The following GLT1D1 variants were observed in gnomAD, a reference collection of about 807,000 sequenced individuals.
GLT1D1 encodes glycosyltransferase 1 domain containing 1.
In GLT1D1, 21 loss-of-function variants were observed where a neutral mutation model predicts 28.7. The observed-to-expected ratio is 0.73, with a 90% confidence interval of 0.52 to 1.05. GLT1D1 has a LOEUF of 1.05. Ranked by LOEUF, GLT1D1 falls within the 50% of genes least tolerant of loss-of-function variation. The probability of loss-of-function intolerance (pLI) is 0.00; values close to 1 mark genes in which losing one functional copy is unlikely to be tolerated. For missense variants in GLT1D1, 343 were observed against 330.6 expected (o/e 1.04, Z -0.29); for synonymous variants, 147 against 124.8 (o/e 1.18, Z -1.19).
intron 4 of GLT1D1, among the ~76,000 whole-genome samples, chr12:128,900,151 GA>G (rs926743795): frequency 1.3e-5 from 2 of 152,136 alleles, no homozygotes; most frequent in Non-Finnish European, 2.9e-5. Flanking sequence ...CAAAACTAAA[GA>G]AAAAAACCAA....
intron 7 of GLT1D1, among the ~76,000 whole-genome samples, chr12:128,968,994 T>C (rs747172618): frequency 2.6e-5 from 4 of 152,088 alleles, no homozygotes; most frequent in Non-Finnish European, 5.9e-5. Flanking sequence ...CCTCTGCCTC[T>C]GTCTCGTCAT....
intron 4 of GLT1D1, chr12:128,912,427 C>A (rs1871635488): frequency 6.6e-7 from 1 of 1,525,414 alleles, no homozygotes; most frequent in Non-Finnish European, 8.8e-7. Context: ...TCAAAAGCCG[C>A]ATGCTAAGGG....
chr12:128,977,046 T>C (rs1879833061), intron 7 of GLT1D1, among the ~76,000 whole-genome samples: 1 of 152,206 alleles, frequency 6.6e-6, no homozygotes, highest in African/African-American at 2.4e-5. Context: ...CTTGGGAGGC[T>C]GAGGCAGGTG....
intron 4 of GLT1D1, among the ~76,000 whole-genome samples, chr12:128,922,762 AAAATACC>A (rs1263643643): frequency 6.6e-6 from 1 of 152,078 alleles, no homozygotes; most frequent in Non-Finnish European, 1.5e-5. Flanking sequence ...ATCTGTACCA[AAAATACC>A]AAAAAGAGCC....
chr12:128,950,856 G>T (rs1876622556), intron 6 of GLT1D1, among the ~76,000 whole-genome samples: 1 of 152,348 alleles, frequency 6.6e-6, no homozygotes, highest in Middle Eastern at 3.4e-3. Flanking sequence ...GGAGCAGAGA[G>T]TAGAATGGTG....
rs1875041404 is a variant in GLT1D1, at chr12:128,940,170, C to T, written c.376-5156C>T. ...TTTGTATTGGTGGTGTCGTCTGTAG[C>T]TCTCATCGTTATTTTCTTCTAGCAT... On this transcript the variant is annotated intron_variant, in intron 4 of 7. Transcript: ENST00000281703. Among the ~76,000 whole-genome samples, 3 of 151,928 alleles carry T rather than the reference C, an allele frequency of 2.0e-5. No individual in the cohort carries two copies. In the South Asian group the frequency reaches 6.2e-4, roughly 32 times the overall value.
intron 1 of GLT1D1, among the ~76,000 whole-genome samples, chr12:128,867,929 A>T (rs574918253): frequency 3.2e-4 from 48 of 152,314 alleles, no homozygotes; most frequent in Non-Finnish European, 5.9e-4. Context: ...ACTGCGATGG[A>T]TTGTGTATAA....
At chr12:128,873,848 T>C (rs904397640) in intron 1 of GLT1D1, among the ~76,000 whole-genome samples, 1 of 137,240 alleles carries the variant, frequency 7.3e-6, no homozygotes, top group African/African-American at 2.8e-5. Flanking sequence ...CCTTCCCTCC[T>C]TCCCTCCCTC....
At chr12:128,864,740 A>G (rs569648259) in intron 1 of GLT1D1, among the ~76,000 whole-genome samples, 1 of 149,908 alleles carries the variant, frequency 6.7e-6, no homozygotes, top group East Asian at 2.0e-4. Context: ...AAACAGGGAG[A>G]GGCATGACTG....
intron 4 of GLT1D1, among the ~76,000 whole-genome samples, chr12:128,935,408 G>A (rs1403134646): frequency 6.6e-6 from 1 of 151,946 alleles, no homozygotes; most frequent in Admixed American, 6.6e-5. Context: ...GGGTGTGGTG[G>A]CACATGCCTG....
chr12:128,875,019 A>G (rs1956838352), intron 1 of GLT1D1, among the ~76,000 whole-genome samples: 2 of 151,866 alleles, frequency 1.3e-5, no homozygotes, highest in South Asian at 4.1e-4. Flanking sequence ...TAAGGTGGAG[A>G]CAAAGAGAAG....
At chr12:128,982,234 G>A (rs1212369926) in intron 7 of GLT1D1, among the ~76,000 whole-genome samples, 2 of 152,084 alleles carry the variant, frequency 1.3e-5, no homozygotes, top group Non-Finnish European at 2.9e-5. Flanking sequence ...GGAGCCCCTG[G>A]GACTTGGGGT....
At chr12:128,918,320 G>A (rs564274532) in intron 4 of GLT1D1, among the ~76,000 whole-genome samples, 2 of 152,160 alleles carry the variant, frequency 1.3e-5, no homozygotes. Context: ...GAGAGGGTAG[G>A]GCTGGGGGCA....
chr12:128,924,002 C>T (rs1315745029), intron 4 of GLT1D1, among the ~76,000 whole-genome samples: 1 of 152,062 alleles, frequency 6.6e-6, no homozygotes, highest in African/African-American at 2.4e-5. Flanking sequence ...TGGGGTTTGG[C>T]CCTGCGAGGG....
At position 128,917,601 on chromosome 12, in the gene GLT1D1, A is replaced by T. The variant is rs866632535; in HGVS notation, c.375+18314A>T. On this transcript the variant is annotated intron_variant, in intron 4 of 7. Transcript: ENST00000281703. ...CCTCCTGCTGCAAACTTCTAAGAAG[A>T]GACTGAAGATGCAAAATCAATTCTC... Among the ~76,000 whole-genome samples, 9 of 152,326 alleles carry T rather than the reference A, an allele frequency of 5.9e-5. No homozygotes were observed. The South Asian group carries it at 1.2e-3, about 21-fold the overall frequency.
chr12:128,921,305 T>C (rs546987596), intron 4 of GLT1D1, among the ~76,000 whole-genome samples: 131 of 152,134 alleles, frequency 8.6e-4, no homozygotes, highest in Middle Eastern at 3.4e-3. Context: ...AGGAAGAAGA[T>C]GAGGGGAGAG....
intron 4 of GLT1D1, among the ~76,000 whole-genome samples, chr12:128,906,118 G>C (rs117033587): frequency 0.014 from 2,125 of 152,188 alleles, 35 homozygotes; most frequent in African/African-American, 0.04. Context: ...AGAATTACAG[G>C]CGTGAGCGTC....
intron 1 of GLT1D1, among the ~76,000 whole-genome samples, chr12:128,861,301 G>A (rs1258321168): frequency 1.3e-5 from 2 of 152,144 alleles, no homozygotes; most frequent in South Asian, 2.1e-4. Context: ...TAGAACAGAG[G>A]CCCTCTGACC....
chr12:128,874,088 CTT>C (rs1188529407), intron 1 of GLT1D1, among the ~76,000 whole-genome samples: 1,081 of 18,504 alleles, frequency 0.058, 27 homozygotes, highest in Non-Finnish European at 0.082. Flanking sequence ...TTCTTTCTTT[CTT>C]TCTTTCTTTC....
Sources: allele counts gnomAD v4.1 joint callset (sites outside exome capture counted in the v4.1 genomes callset), GRCh38; gene constraint gnomAD v4.1.1; transcripts MANE v1.5; gene names NCBI Gene and HGNC (gene_info 2026-07-23, HGNC 2026-07-21).